CFAP44: variants seen among roughly 807,000 people sequenced by gnomAD.
CFAP44 encodes cilia and flagella associated protein 44.
Under a neutral mutation model 216.2 loss-of-function variants are expected in CFAP44, and 134 were observed. The observed-to-expected ratio is 0.62, with a 90% CI of 0.54 to 0.72. The LOEUF is 0.72. CFAP44 is among the 30% of genes least tolerant of loss of function. The probability of loss-of-function intolerance (pLI) is 0.00; values close to 1 mark genes in which losing one functional copy is unlikely to be tolerated. For missense variants in CFAP44, 2,035 were observed against 2,182.1 expected (o/e 0.93, Z 1.34); for synonymous variants, 700 against 727.6 (o/e 0.96, Z 0.61).
chr3:113,434,904 G>A (rs572625340), intron 1 of CFAP44: 15 of 152,294 alleles, frequency 9.8e-5, no homozygotes, highest in African/African-American at 3.4e-4. Flanking sequence ...TACACTACAC[G>A]ATCAAAGGAC....
intron 21 of CFAP44, among the ~76,000 whole-genome samples, chr3:113,359,417 A>T (rs1429469232): frequency 6.6e-6 from 1 of 152,200 alleles, no homozygotes; most frequent in Non-Finnish European, 1.5e-5. Context: ...AATATTTGTG[A>T]TAAATTGTGA....
chr3:113,403,040 T>C (rs528723384), intron 9 of CFAP44, among the ~76,000 whole-genome samples: 1 of 151,848 alleles, frequency 6.6e-6, no homozygotes, highest in African/African-American at 2.4e-5. Flanking sequence ...GGTTAAACAA[T>C]ATTAAACACA....
chr3:113,361,740 C>T (rs376807913), intron 21 of CFAP44, among the ~76,000 whole-genome samples: 8 of 151,810 alleles, frequency 5.3e-5, no homozygotes, highest in East Asian at 1.9e-4. Flanking sequence ...CCTCATGATC[C>T]GCCCGCCTCG....
chr3:113,408,224 G>A (rs11928899), intron 7 of CFAP44, among the ~76,000 whole-genome samples: 60 of 152,228 alleles, frequency 3.9e-4, no homozygotes, highest in African/African-American at 1.4e-3. Context: ...AGATTGTTAC[G>A]CAAATGCATG....
At chr3:113,311,855 A>G (rs1204186384) in intron 28 of CFAP44, among the ~76,000 whole-genome samples, 1 of 152,170 alleles carries the variant, frequency 6.6e-6, no homozygotes, top group African/African-American at 2.4e-5. Context: ...GATGGAGATG[A>G]GAAGCTTGTT....
chr3:113,412,344 C>A (rs1934506703), intron 6 of CFAP44, among the ~76,000 whole-genome samples: 2 of 152,034 alleles, frequency 1.3e-5, no homozygotes, highest in East Asian at 3.9e-4. Flanking sequence ...GGTCTAAGAA[C>A]CCTCTCTTGG....
At chr3:113,328,696 TAAAAAAAAAAA>T (rs58650082) in intron 26 of CFAP44, among the ~76,000 whole-genome samples, 16 of 28,570 alleles carry the variant, frequency 5.6e-4, no homozygotes, top group South Asian at 4.3e-3. Flanking sequence ...TTAGAGAGCT[TAAAAAAAAAAA>T]AAAAAAAAAA....
intron 28 of CFAP44, among the ~76,000 whole-genome samples, chr3:113,321,951 T>C (rs1181596395): frequency 6.6e-6 from 1 of 152,188 alleles, no homozygotes; most frequent in Non-Finnish European, 1.5e-5. Flanking sequence ...CAAAGCAATA[T>C]ACAGATTCAA....
At chr3:113,406,875 A>G (rs889445400) in intron 8 of CFAP44, 52 bp downstream of exon 8, 2 of 1,306,276 alleles carry the variant, frequency 1.5e-6, no homozygotes, top group African/African-American at 2.9e-5. Context: ...GTGCTTTCAT[A>G]TATGTACTTG....
In CFAP44 at chr3:113,306,292, C is replaced by T. The variant is rs888438654; in HGVS notation, c.4667G>A (p.Arg1556Gln). Residue 1556 changes from arginine to glutamine, a missense_variant, in exon 30 of 35, where the codon CGA (arginine) becomes CAA (glutamine). This residue lies in a region of CFAP44 where 1,883 missense variants were observed against 2,023.7 expected (regional missense o/e 0.93). Transcript: ENST00000393845. ...CTCCTCAATGTCCAGCCTTTTCTCT[C>T]GAAGGTGAAGGGCCAGCTCAAAAAG... The part of the protein sequence containing the change: ...VALFELALHL[R>Q]EKRLDIEEAL... 11 of 1,536,488 alleles carry T rather than the reference C, an allele frequency of 7.2e-6. No homozygotes were observed. The highest frequency in any genetic ancestry group is 2.0e-5 in the Admixed American group (1 of 50,890).
chr3:113,320,423 A>ATGATATATATTGCTATATATGATATATG (rs1950132388), intron 28 of CFAP44, among the ~76,000 whole-genome samples: 1 of 137,800 alleles, frequency 7.3e-6, no homozygotes, highest in African/African-American at 2.6e-5. Flanking sequence ...TGATATATAT[A>ATGATATATATTGCTATATATGATATATG]TGATATATAT....
At chr3:113,333,799 G>A (rs992220927) in intron 24 of CFAP44, among the ~76,000 whole-genome samples, 1 of 151,914 alleles carries the variant, frequency 6.6e-6, no homozygotes, top group Non-Finnish European at 1.5e-5. Context: ...TATATAAACA[G>A]GAACCAATCA....
At chr3:113,373,901 C>T (rs1179934246) in intron 17 of CFAP44, among the ~76,000 whole-genome samples, 1 of 151,976 alleles carries the variant, frequency 6.6e-6, no homozygotes, top group African/African-American at 2.4e-5. Context: ...TTTTGCAGTT[C>T]CTCGTTTTTA....
chr3:113,353,594 T>C (rs1456827371), intron 22 of CFAP44, among the ~76,000 whole-genome samples: 1 of 152,176 alleles, frequency 6.6e-6, no homozygotes, highest in Non-Finnish European at 1.5e-5. Flanking sequence ...CTTTCATCTT[T>C]TAGCAGGTAG....
intron 27 of CFAP44, among the ~76,000 whole-genome samples, chr3:113,327,376 T>C (rs1366954282): frequency 6.6e-6 from 1 of 152,142 alleles, no homozygotes; most frequent in African/African-American, 2.4e-5. Context: ...GAAAATTTTA[T>C]TCTTCTACCT....
At position 113,303,982 on chromosome 3, in the gene CFAP44, T is replaced by C. The variant is rs1576537783; in HGVS notation, c.5011A>G (p.Lys1671Glu). Reference protein sequence around the residue: ...EENSKQQKLNKEWRERRKQLI... With the variant: ...EENSKQQKLNEEWRERRKQLI... ...TGTTTACGTCTCTCTCTCCATTCTTTGTTAAGTTTTTGCTGCTTGGAATTT... is the reference window on the plus strand; with the variant it reads ...TGTTTACGTCTCTCTCTCCATTCTTCGTTAAGTTTTTGCTGCTTGGAATTT... The change falls in exon 32 of 35, where the codon AAA becomes GAA. Residue 1671 changes from lysine to glutamate, a missense_variant. By Grantham distance (56) the Lys-to-Glu change is moderately conservative. Around this residue, in one of 3 missense-constraint regions of CFAP44, gnomAD observed 1,883 missense variants for 2,023.7 expected, o/e 0.93. Coordinates refer to ENST00000393845, the MANE Select transcript of CFAP44 (RefSeq NM_001164496.2). 6.5e-7 allele frequency: 1 copy of C among 1,537,794 alleles called. No individual in the cohort carries two copies. Among genetic ancestry groups the C allele is most frequent in the Non-Finnish European group, 8.7e-7 (1 of 1,147,032 alleles).
At chr3:113,327,140 A>C (rs1950195905) in intron 27 of CFAP44, among the ~76,000 whole-genome samples, 1 of 152,140 alleles carries the variant, frequency 6.6e-6, no homozygotes, top group South Asian at 2.1e-4. Context: ...TCTGAAATTT[A>C]ATATACAAAT....
At chr3:113,404,458 A>G (rs1405049155) in intron 8 of CFAP44, among the ~76,000 whole-genome samples, 2 of 152,334 alleles carry the variant, frequency 1.3e-5, no homozygotes, top group Admixed American at 6.5e-5. Flanking sequence ...AAGGATAATC[A>G]TCTAAAACTT....
Position 113,425,912 on chromosome 3 carries a change from T to A in CFAP44, c.407+212A>T, listed in dbSNP as rs1046452082. 18 of 507,324 alleles carry A rather than the reference T, an allele frequency of 3.5e-5. No homozygotes were observed. In the Admixed American group the frequency reaches 4.1e-4, roughly 12 times the overall value. 31.4% of individuals were successfully genotyped at this position (507,324 alleles called of 1,614,324 possible). On this transcript the variant is annotated intron_variant, in intron 4 of 34. Transcript: ENST00000393845. ...AGTTTTTGCCTTGTGAGCCAGATGGTCTCTGTCACAACTACTTATCCCTGT... is the reference window on the plus strand; with the variant it reads ...AGTTTTTGCCTTGTGAGCCAGATGGACTCTGTCACAACTACTTATCCCTGT...
Sources: allele counts gnomAD v4.1 joint callset (sites outside exome capture counted in the v4.1 genomes callset), GRCh38; gene constraint gnomAD v4.1.1; regional missense constraint gnomAD v4.1.1; transcripts MANE v1.5; gene names NCBI Gene and HGNC (gene_info 2026-07-23, HGNC 2026-07-21).